SORCS1: variants seen among roughly 807,000 people sequenced by gnomAD.
The protein encoded by SORCS1 is sortilin related VPS10 domain containing receptor 1, also known as VPS10 domain-containing receptor SorCS1.
In SORCS1, 60 loss-of-function variants were observed where a neutral mutation model predicts 146.1. That is an observed-to-expected ratio of 0.41 (90% CI 0.33 to 0.51). The LOEUF (loss-of-function observed/expected upper bound fraction) is 0.51. SORCS1 is among the 20% of genes least tolerant of loss of function. SORCS1 has a pLI of 0.21. For missense variants in SORCS1, 1,352 were observed against 1,487.6 expected (o/e 0.91, Z 1.50); for synonymous variants, 637 against 584.0 (o/e 1.09, Z -1.31).
intron 16 of SORCS1, among the ~76,000 whole-genome samples, chr10:106,668,689 C>T (rs1157852738): frequency 1.3e-5 from 2 of 152,208 alleles, no homozygotes; most frequent in African/African-American, 4.8e-5. Flanking sequence ...GGGCCTGTCA[C>T]CAGGCAGCTG....
chr10:107,005,646 A>G (rs1324532570), intron 1 of SORCS1, among the ~76,000 whole-genome samples: 1 of 152,046 alleles, frequency 6.6e-6, no homozygotes, highest in African/African-American at 2.4e-5. Flanking sequence ...TGCACAATTT[A>G]TTTTCCTTTT....
rs79346326 is a variant in SORCS1, at chr10:106,888,087, G to A, written c.627-58414C>T. Among the ~76,000 whole-genome samples, 1,460 of 152,174 alleles carry A rather than the reference G, an allele frequency of 9.6e-3. 22 individuals are homozygous for A. Among genetic ancestry groups the A allele is most frequent in the African/African-American group, 0.033 (1,388 of 41,518 alleles). On this transcript the variant is annotated intron_variant, in intron 2 of 25. Coordinates refer to ENST00000263054, the MANE Select transcript of SORCS1 (RefSeq NM_052918.5). ...CTCTCTGCAATCCATGGTGTCATAC[G>A]GATAAGTGAAATAGAATCTGAGAAC...
At chr10:107,118,516 TA>T (rs1966190552) in intron 1 of SORCS1, among the ~76,000 whole-genome samples, 1 of 152,222 alleles carries the variant, frequency 6.6e-6, no homozygotes, top group African/African-American at 2.4e-5. Flanking sequence ...TCCACTGATT[TA>T]TCTAACATCC....
chr10:106,957,672 A>G (rs1465171218), intron 1 of SORCS1, among the ~76,000 whole-genome samples: 2 of 152,130 alleles, frequency 1.3e-5, no homozygotes, highest in African/African-American at 2.4e-5. Flanking sequence ...GGAACCCTCC[A>G]TAAGAAACAG....
Position 106,762,379 on chromosome 10 carries a change from T to C in SORCS1, c.886-718A>G, listed in dbSNP as rs1859185604. Among the ~76,000 whole-genome samples, 9 of 138,208 alleles carry C rather than the reference T, an allele frequency of 6.5e-5. No homozygotes were observed. The South Asian group carries it at 2.1e-3, about 32-fold the overall frequency. 90.7% of individuals were successfully genotyped at this position (138,208 alleles called of 152,430 possible). ...TAACTTTTTCTTTCTAAGTCTTTTT[T>C]ATTATTCTTTTTTTTTTTTTTTTTT... On this transcript the variant is annotated intron_variant, in intron 4 of 25. Coordinates refer to ENST00000263054, the MANE Select transcript of SORCS1 (RefSeq NM_052918.5).
chr10:106,582,997 T>C (rs1308384722), intron 24 of SORCS1, among the ~76,000 whole-genome samples: 1 of 152,206 alleles, frequency 6.6e-6, no homozygotes, highest in African/African-American at 2.4e-5. Flanking sequence ...AGTAATGATA[T>C]GAGCCCTTTT....
At chr10:107,102,552 T>C (rs1162517880) in intron 1 of SORCS1, among the ~76,000 whole-genome samples, 1 of 152,190 alleles carries the variant, frequency 6.6e-6, no homozygotes, top group Non-Finnish European at 1.5e-5. Context: ...CTATGATTTG[T>C]TAAAGGTGCT....
intron 2 of SORCS1, among the ~76,000 whole-genome samples, chr10:106,955,728 T>A (rs822086): frequency 4.6e-5 from 7 of 152,092 alleles, no homozygotes; most frequent in Admixed American, 3.9e-4. Flanking sequence ...GGCTCATGCC[T>A]GTAATCCCAG....
chr10:106,898,402 T>C (rs1482237086), intron 2 of SORCS1, among the ~76,000 whole-genome samples: 2 of 152,220 alleles, frequency 1.3e-5, no homozygotes, highest in East Asian at 1.9e-4. Context: ...GGGCTTTCTA[T>C]GCAGGAGTTT....
chr10:107,029,752 C>T (rs1958565761), intron 1 of SORCS1, among the ~76,000 whole-genome samples: 2 of 152,132 alleles, frequency 1.3e-5, no homozygotes, highest in African/African-American at 4.8e-5. Flanking sequence ...CCACACACAC[C>T]TACATGTATA....
chr10:107,128,789 C>G (rs370196543), intron 1 of SORCS1, among the ~76,000 whole-genome samples: 10 of 152,248 alleles, frequency 6.6e-5, no homozygotes, highest in South Asian at 6.2e-4. Flanking sequence ...TGATTAACAT[C>G]AATTCTTTGG....
intron 1 of SORCS1, among the ~76,000 whole-genome samples, chr10:107,114,455 A>T (rs1453853017): frequency 1.3e-5 from 2 of 152,224 alleles, no homozygotes; most frequent in Non-Finnish European, 2.9e-5. Flanking sequence ...ATGATTCAAC[A>T]TATGCAAATC....
intron 2 of SORCS1, among the ~76,000 whole-genome samples, chr10:106,878,549 G>T (rs1950680487): frequency 6.8e-6 from 1 of 147,256 alleles, no homozygotes; most frequent in Non-Finnish European, 1.5e-5. Flanking sequence ...CACCAAATCT[G>T]CCAGTGCCTT....
intron 6 of SORCS1, 132 bp downstream of exon 6, chr10:106,729,918 C>A: frequency 9.1e-7 from 1 of 1,099,760 alleles, no homozygotes; most frequent in Non-Finnish European, 1.3e-6. Context: ...ACCCCTGCAA[C>A]CCCAAATCCT....
chr10:106,808,215 T>A (rs1460959591), intron 3 of SORCS1, among the ~76,000 whole-genome samples: 1 of 152,080 alleles, frequency 6.6e-6, no homozygotes, highest in Non-Finnish European at 1.5e-5. Context: ...ACAGGGTTTT[T>A]CCATGTTGGT....
chr10:106,930,266 A>T (rs188508497), intron 2 of SORCS1, among the ~76,000 whole-genome samples: 1 of 152,064 alleles, frequency 6.6e-6, no homozygotes, highest in East Asian at 1.9e-4. Context: ...TGGGCGACAG[A>T]GCGAGACTCT....
At position 106,761,667 on chromosome 10, in the gene SORCS1, A is replaced by C; in HGVS notation, c.886-6T>G. On this transcript the variant is annotated splice_polypyrimidine_tract_variant and splice_region_variant and intron_variant, in intron 4 of 25. Transcript: ENST00000263054. ...AATTCAGCAGAGCTGTATAACTGTA[A>C]AGAACAGAAATTACTCAGCACTATG... 1 of 1,613,854 alleles carries C rather than the reference A, an allele frequency of 6.2e-7. No homozygotes were observed. The highest frequency in any genetic ancestry group is 8.5e-7 in the Non-Finnish European group (1 of 1,179,776).
chr10:106,801,104 A>C (rs1946844995), intron 3 of SORCS1, among the ~76,000 whole-genome samples: 1 of 152,202 alleles, frequency 6.6e-6, no homozygotes, highest in South Asian at 2.1e-4. Flanking sequence ...CTGATGATTG[A>C]ATGGACAAAC....
the SORCS1 span, among the ~76,000 whole-genome samples, chr10:107,174,495 A>G: frequency 6.6e-6 from 1 of 152,186 alleles, no homozygotes; most frequent in Admixed American, 6.5e-5. Flanking sequence ...GGCATGAGCC[A>G]CCGCACCCGG....
Sources: allele counts gnomAD v4.1 joint callset (sites outside exome capture counted in the v4.1 genomes callset), GRCh38; gene constraint gnomAD v4.1.1; transcripts MANE v1.5; gene names NCBI Gene and HGNC (gene_info 2026-07-23, HGNC 2026-07-21).